Variants in KANSL1 observed in about 807,000 individuals in gnomAD.
The protein encoded by KANSL1 is KAT8 regulatory NSL complex subunit 1.
KANSL1 carries 22 observed loss-of-function variants against 103.6 expected under a neutral mutation model. The observed-to-expected ratio is 0.21, with a 90% confidence interval of 0.15 to 0.30. The LOEUF is 0.30. Ranked by LOEUF, KANSL1 falls within the 10% of genes least tolerant of loss-of-function variation. KANSL1 has a pLI of 1.00. For missense variants in KANSL1, 1,337 were observed against 1,399.8 expected (o/e 0.96, Z 0.72); for synonymous variants, 600 against 527.6 (o/e 1.14, Z -1.88).
Position 46,171,443 on chromosome 17 carries a change from A to G in KANSL1, c.701T>C (p.Val234Ala), listed in dbSNP as rs199948200. 9.9e-5 allele frequency: 160 copies of G among 1,613,948 alleles called. No individual in the cohort carries two copies. Among genetic ancestry groups the G allele is most frequent in the Middle Eastern group, 3.3e-4 (2 of 6,084 alleles). ...AAGTGCCGGCTGTTCCATGGAATTGACAGAGGATTTGTTTGCAGTGCTATT... is the reference window on the plus strand; with the variant it reads ...AAGTGCCGGCTGTTCCATGGAATTGGCAGAGGATTTGTTTGCAGTGCTATT... ...SNNSTANKSS[V>A]NSMEQPALQG... Residue 234 changes from valine to alanine, a missense_variant, in exon 2 of 15, where the codon GTC (valine) becomes GCC (alanine). By Grantham distance (64) the Val-to-Ala change is moderately conservative. Coordinates refer to ENST00000432791, the MANE Select transcript of KANSL1 (RefSeq NM_015443.4).
chr17:46,111,136 T>C (rs2042784674), intron 2 of KANSL1, among the ~76,000 whole-genome samples: 1 of 152,246 alleles, frequency 6.6e-6, no homozygotes, highest in Admixed American at 6.5e-5. Context: ...AAGAAGGGCA[T>C]AGAATATGTG....
At chr17:46,225,194 C>G (rs2048648752), upstream of KANSL1, 1 of 154,588 alleles carries the variant, frequency 6.5e-6, no homozygotes. Context: ...CCCCGGGCCC[C>G]GCGGCCCCCC....
chr17:46,207,369 G>A (rs1455197077), intron 1 of KANSL1, among the ~76,000 whole-genome samples: 2 of 152,014 alleles, frequency 1.3e-5, no homozygotes, highest in Non-Finnish European at 1.5e-5. Context: ...AATTAGCTGG[G>A]CGTGGTGGTG....
intron 2 of KANSL1, among the ~76,000 whole-genome samples, chr17:46,114,424 C>G (rs2042955798): frequency 6.6e-6 from 1 of 152,184 alleles, no homozygotes; most frequent in African/African-American, 2.4e-5. Flanking sequence ...TCAAAATAAT[C>G]TTAAATATCT....
chr17:46,066,445 A>C (rs1359804588), intron 6 of KANSL1, 92 bp downstream of exon 6: 8 of 1,182,928 alleles, frequency 6.8e-6, no homozygotes, highest in African/African-American at 1.5e-5. Flanking sequence ...GTGGTTAGCC[A>C]AGTTTAGAAA....
chr17:46,213,290 TG>T (rs1312512722), intron 1 of KANSL1, among the ~76,000 whole-genome samples: 1 of 112,386 alleles, frequency 8.9e-6, no homozygotes, highest in Non-Finnish European at 2.3e-5. Flanking sequence ...ATTTGTTTTT[TG>T]TTGTTGTTGT....
intron 2 of KANSL1, among the ~76,000 whole-genome samples, chr17:46,112,002 AGCAACT>A: frequency 6.6e-6 from 1 of 152,246 alleles, no homozygotes; most frequent in Non-Finnish European, 1.5e-5. Flanking sequence ...GGTAACTGAA[AGCAACT>A]GTATTTCCCA....
chr17:46,196,341 C>A (rs770488530), upstream of KANSL1: 12 of 456,298 alleles, frequency 2.6e-5, no homozygotes, highest in South Asian at 1.9e-4. Flanking sequence ...TAGTTTTAAC[C>A]CATTCTCTTT....
chr17:46,085,437 T>C (rs1221489651), intron 3 of KANSL1, among the ~76,000 whole-genome samples: 1 of 152,208 alleles, frequency 6.6e-6, no homozygotes, highest in African/African-American at 2.4e-5. Flanking sequence ...TTAAATCTCA[T>C]TTCCAGAGCA....
At chr17:46,034,021 T>C in intron 11 of KANSL1, 140 bp downstream of exon 11, 1 of 1,037,670 alleles carries the variant, frequency 9.6e-7, no homozygotes, top group East Asian at 2.6e-5. Context: ...AGAAATAATT[T>C]CGTTCTTATC....
chr17:46,178,073 G>A (rs111958081), intron 1 of KANSL1, among the ~76,000 whole-genome samples: 83 of 152,140 alleles, frequency 5.5e-4, no homozygotes, highest in African/African-American at 1.9e-3. Context: ...CACCACGCCC[G>A]GCCCATAGTA....
At chr17:46,183,422 AAAT>A (rs776415586) in intron 1 of KANSL1, among the ~76,000 whole-genome samples, 2 of 151,846 alleles carry the variant, frequency 1.3e-5, no homozygotes, top group Non-Finnish European at 2.9e-5. Flanking sequence ...GTCTCTAAAA[AAAT>A]AATAATTAGC....
chr17:46,157,882 C>T (rs1346672563), intron 2 of KANSL1, among the ~76,000 whole-genome samples: 1 of 152,218 alleles, frequency 6.6e-6, no homozygotes, highest in African/African-American at 2.4e-5. Flanking sequence ...ACAGGGTGTG[C>T]CCAAAGAATA....
upstream of KANSL1, among the ~76,000 whole-genome samples, chr17:46,198,344 A>G (rs1163614647): frequency 6.7e-6 from 1 of 149,786 alleles, no homozygotes; most frequent in Admixed American, 6.7e-5. Flanking sequence ...TTAAAATCTG[A>G]GTGAAGCAAA....
chr17:46,218,219 G>A (rs1239637446), intron 1 of KANSL1, among the ~76,000 whole-genome samples: 4 of 152,248 alleles, frequency 2.6e-5, no homozygotes, highest in Admixed American at 6.5e-5. Context: ...CTCAGCATAT[G>A]TCACTCTGTG....
chr17:46,119,564 C>T (rs999618426), intron 2 of KANSL1, among the ~76,000 whole-genome samples: 1 of 152,192 alleles, frequency 6.6e-6, no homozygotes, highest in African/African-American at 2.4e-5. Flanking sequence ...ACCTCGGCCT[C>T]CCAAAGCGCT....
At chr17:46,186,587 G>A (rs1362246265) in intron 1 of KANSL1, among the ~76,000 whole-genome samples, 1 of 152,212 alleles carries the variant, frequency 6.6e-6, no homozygotes, top group Non-Finnish European at 1.5e-5. Flanking sequence ...CAAGGGGTAA[G>A]GAGTAAATCA....
intron 3 of KANSL1, among the ~76,000 whole-genome samples, chr17:46,085,351 T>TAAGAA: frequency 6.6e-6 from 1 of 152,210 alleles, no homozygotes; most frequent in South Asian, 2.1e-4. Context: ...TGTCCCGGGT[T>TAAGAA]AATGAGTTCC....
intron 2 of KANSL1, among the ~76,000 whole-genome samples, chr17:46,121,672 C>A (rs2043287073): frequency 6.6e-6 from 1 of 151,776 alleles, no homozygotes; most frequent in South Asian, 2.1e-4. Context: ...ATTGACCCCC[C>A]CACCCCACTA....
Sources: gnomAD v4.1 joint callset for allele counts (sites outside exome capture counted in the v4.1 genomes callset) on GRCh38, gnomAD v4.1.1 for gene constraint, MANE v1.5 for transcripts, NCBI Gene and HGNC (gene_info 2026-07-23, HGNC 2026-07-21) for gene names.